HEATR5A: variants seen among roughly 807,000 people sequenced by gnomAD.
HEATR5A encodes HEAT repeat containing 5A.
Under a neutral mutation model 218.8 loss-of-function variants are expected in HEATR5A, and 178 were observed. That is an observed-to-expected ratio of 0.81 (90% CI 0.72 to 0.92). The LOEUF (loss-of-function observed/expected upper bound fraction) is 0.92, where lower values mean the gene tolerates loss of function less well. Among genes scored for constraint, HEATR5A ranks in the 40% least tolerant of loss-of-function variants. HEATR5A has a pLI of 0.00. For synonymous variants in HEATR5A, 864 were observed against 871.6 expected (o/e 0.99, Z 0.15); for missense variants, 2,420 against 2,418.9 (o/e 1.00, Z -0.01).
chr14:31,382,204 A>C (rs538896329), intron 10 of HEATR5A, among the ~76,000 whole-genome samples: 7 of 152,378 alleles, frequency 4.6e-5, no homozygotes, highest in African/African-American at 1.7e-4. Context: ...TTGAATGACA[A>C]GTCTTTGCTT....
rs1728760670 is a variant in HEATR5A at position 31,306,461 on chromosome 14, CAACT to C, written c.4966+267_4966+270del. Reference sequence around the variant, plus strand: ...TCGTGCCAATGCACTCCAGCTTGGGCAACTGGAGTGAGACCTTGTCTCACTAAAT... The same window carrying C: ...TCGTGCCAATGCACTCCAGCTTGGGCGGAGTGAGACCTTGTCTCACTAAAT... On this transcript the variant is annotated intron_variant, in intron 31 of 35. Transcript: ENST00000543095. Among the ~76,000 whole-genome samples, 3 of 151,970 alleles carry C rather than the reference CAACT, an allele frequency of 2.0e-5. No homozygotes were observed. In the South Asian group the frequency reaches 6.2e-4, roughly 31 times the overall value.
chr14:31,413,433 A>G (rs1043797716), intron 1 of HEATR5A, among the ~76,000 whole-genome samples: 3 of 149,728 alleles, frequency 2.0e-5, no homozygotes, highest in African/African-American at 7.4e-5. Context: ...GTAAGGAATG[A>G]GAAAAATGGT....
intron 22 of HEATR5A, among the ~76,000 whole-genome samples, chr14:31,329,419 T>C (rs1483978005): frequency 6.6e-6 from 1 of 152,212 alleles, no homozygotes; most frequent in African/African-American, 2.4e-5. Flanking sequence ...TAAATACTCT[T>C]GTCCCAAATG....
chr14:31,330,562 G>A (rs1900429755), intron 22 of HEATR5A, among the ~76,000 whole-genome samples: 1 of 152,096 alleles, frequency 6.6e-6, no homozygotes, highest in Non-Finnish European at 1.5e-5. Flanking sequence ...GCCGAGGTGG[G>A]TGGATCACGA....
At chr14:31,406,908 A>G (rs765696080) in intron 1 of HEATR5A, among the ~76,000 whole-genome samples, 2 of 145,854 alleles carry the variant, frequency 1.4e-5, no homozygotes, top group Non-Finnish European at 3.0e-5. Flanking sequence ...TAGAGGTTGC[A>G]GTGAGCCAAG....
intron 28 of HEATR5A, 62 bp downstream of exon 28, chr14:31,312,906 A>AAAAG (rs1555366536): frequency 7.9e-6 from 11 of 1,384,604 alleles, no homozygotes; most frequent in East Asian, 7.4e-5. Context: ...AAAAACAAAA[A>AAAAG]AAAAGAAAAG....
chr14:31,399,194 A>C (rs1458076920), intron 3 of HEATR5A, among the ~76,000 whole-genome samples: 1 of 152,212 alleles, frequency 6.6e-6, no homozygotes, highest in Non-Finnish European at 1.5e-5. Flanking sequence ...TGACTATTTT[A>C]AATTTTGCTT....
At chr14:31,413,466 G>A (rs1468598170) in intron 1 of HEATR5A, among the ~76,000 whole-genome samples, 1 of 150,908 alleles carries the variant, frequency 6.6e-6, no homozygotes, top group South Asian at 2.1e-4. Flanking sequence ...CCATGATGGC[G>A]AGATTGCCAG....
chr14:31,315,425 G>A (rs996156495), intron 27 of HEATR5A, among the ~76,000 whole-genome samples: 4 of 152,130 alleles, frequency 2.6e-5, no homozygotes, highest in African/African-American at 9.7e-5. Flanking sequence ...TTCTACGAAA[G>A]AGCATTAGAA....
At chr14:31,412,991 C>T (rs890100700) in intron 1 of HEATR5A, among the ~76,000 whole-genome samples, 8 of 152,084 alleles carry the variant, frequency 5.3e-5, no homozygotes, top group African/African-American at 7.2e-5. Flanking sequence ...ATTCTGAATA[C>T]GAATTCCCAC....
chr14:31,380,914 T>C (rs1045429931), intron 10 of HEATR5A, among the ~76,000 whole-genome samples: 2 of 152,164 alleles, frequency 1.3e-5, no homozygotes, highest in Non-Finnish European at 2.9e-5. Flanking sequence ...AAATCCATAA[T>C]TATCCAAAAA....
intron 1 of HEATR5A, among the ~76,000 whole-genome samples, chr14:31,411,061 A>G (rs183269181): frequency 6.6e-6 from 1 of 152,318 alleles, no homozygotes. Flanking sequence ...TGAAAAATGC[A>G]AAAACTTTTA....
chr14:31,299,051 T>C (rs889700901), intron 33 of HEATR5A, among the ~76,000 whole-genome samples: 1 of 152,158 alleles, frequency 6.6e-6, no homozygotes, highest in Non-Finnish European at 1.5e-5. Flanking sequence ...TCCTCTAACC[T>C]TGATTTTGGT....
chr14:31,352,840 C>A (rs1288777785), intron 16 of HEATR5A, among the ~76,000 whole-genome samples: 1 of 151,976 alleles, frequency 6.6e-6, no homozygotes, highest in Non-Finnish European at 1.5e-5. Flanking sequence ...TGCCTGTACT[C>A]CCAGCTACTT....
intron 24 of HEATR5A, among the ~76,000 whole-genome samples, chr14:31,322,711 C>A (rs1020798005): frequency 6.7e-6 from 1 of 149,498 alleles, no homozygotes; most frequent in Non-Finnish European, 1.5e-5. Context: ...CCCAGCTACT[C>A]GGGAGGCTGG....
intron 14 of HEATR5A, among the ~76,000 whole-genome samples, chr14:31,361,791 A>T (rs1282996587): frequency 6.6e-6 from 1 of 152,142 alleles, no homozygotes; most frequent in East Asian, 1.9e-4. Flanking sequence ...AAACTAAGTC[A>T]CTCTAAGACT....
chr14:31,299,466 T>C (rs984119557), intron 33 of HEATR5A, among the ~76,000 whole-genome samples: 1 of 152,192 alleles, frequency 6.6e-6, no homozygotes, highest in Non-Finnish European at 1.5e-5. Context: ...ATGCCTGTAA[T>C]CCCAGCACTT....
At chr14:31,372,409 C>G (rs1421830413) in intron 12 of HEATR5A, among the ~76,000 whole-genome samples, 1 of 152,146 alleles carries the variant, frequency 6.6e-6, no homozygotes, top group Non-Finnish European at 1.5e-5. Flanking sequence ...AAGTCCTGGC[C>G]TCAAGTGATT....
chr14:31,305,266 G>T, intron 31 of HEATR5A, 89 bp from the exon 32 acceptor site: 1 of 1,374,222 alleles, frequency 7.3e-7, no homozygotes, highest in Non-Finnish European at 1.0e-6. Context: ...GGAAATACAT[G>T]TATTTTATTT....
Sources: allele counts gnomAD v4.1 joint callset (sites outside exome capture counted in the v4.1 genomes callset), GRCh38; gene constraint gnomAD v4.1.1; transcripts MANE v1.5; gene names NCBI Gene and HGNC (gene_info 2026-07-23, HGNC 2026-07-21).